The following UQCC1 variants were observed in gnomAD, a reference collection of about 807,000 sequenced individuals.
The protein encoded by UQCC1 is ubiquinol-cytochrome c reductase complex assembly factor 1.
A neutral mutation model predicts 48.0 loss-of-function variants in UQCC1; 38 were observed. That is an observed-to-expected ratio of 0.79 (90% CI 0.61 to 1.04). The LOEUF is 1.04. Among genes scored for constraint, UQCC1 ranks in the 50% least tolerant of loss-of-function variants. The pLI is 0.00. For missense variants in UQCC1, 368 were observed against 381.8 expected (o/e 0.96, Z 0.30); for synonymous variants, 111 against 129.2 (o/e 0.86, Z 0.95).
chr20:35,387,528 T>TC (rs1375692711), intron 2 of UQCC1, among the ~76,000 whole-genome samples: 11 of 151,786 alleles, frequency 7.2e-5, no homozygotes, highest in Non-Finnish European at 1.3e-4. Flanking sequence ...TTTTTTTTTT[T>TC]CAAAGAGGAC....
chr20:35,339,231 T>C (rs910237924), intron 7 of UQCC1, among the ~76,000 whole-genome samples: 2 of 152,044 alleles, frequency 1.3e-5, no homozygotes, highest in African/African-American at 2.4e-5. Flanking sequence ...ATCCAACACA[T>C]ATTTGAGTAG....
chr20:35,304,078 A>G lies in UQCC1; in HGVS notation c.766-9T>C. The G allele has an allele frequency of 6.2e-7, 1 of 1,613,822 alleles. No individual in the cohort carries two copies. The highest frequency in any genetic ancestry group is 8.5e-7 in the Non-Finnish European group (1 of 1,179,836). On this transcript the variant is annotated splice_polypyrimidine_tract_variant and intron_variant, in intron 9 of 9. Coordinates refer to ENST00000374385, the MANE Select transcript of UQCC1 (RefSeq NM_018244.5). ...GAGTCCAGGTACTGTATCTGCAACC[A>G]GGGGAGGGGGAAGGAGGAAGCGACA... is the stretch of plus-strand genomic sequence containing the variant.
intron 7 of UQCC1, among the ~76,000 whole-genome samples, chr20:35,316,998 T>C (rs2061068232): frequency 6.7e-6 from 1 of 149,850 alleles, no homozygotes; most frequent in Admixed American, 6.7e-5. Flanking sequence ...TGCAGCGGCA[T>C]GATCTCAGCT....
chr20:35,376,193 A>G (rs2061797414), intron 4 of UQCC1, among the ~76,000 whole-genome samples: 1 of 151,380 alleles, frequency 6.6e-6, no homozygotes, highest in Non-Finnish European at 1.5e-5. Flanking sequence ...CTGTAATCCC[A>G]GTTACTTGGG....
At chr20:35,377,645 A>G (rs2061817882) in intron 4 of UQCC1, among the ~76,000 whole-genome samples, 1 of 152,216 alleles carries the variant, frequency 6.6e-6, no homozygotes, top group Non-Finnish European at 1.5e-5. Flanking sequence ...CAAGTATGTA[A>G]CTTTAACTAA....
intron 6 of UQCC1, among the ~76,000 whole-genome samples, chr20:35,353,747 G>T (rs1157436499): frequency 6.6e-6 from 1 of 151,812 alleles, no homozygotes; most frequent in Non-Finnish European, 1.5e-5. Context: ...AGTTGTGATT[G>T]TACCACTAAA....
At chr20:35,363,044 A>AAC (rs1338107338) in intron 6 of UQCC1, among the ~76,000 whole-genome samples, 2 of 151,530 alleles carry the variant, frequency 1.3e-5, no homozygotes, top group Admixed American at 6.6e-5. Flanking sequence ...AAAAAAAAAA[A>AAC]AAAAGAAAGA....
Position 35,382,009 on chromosome 20 carries a change from T to A in UQCC1, c.242A>T (p.Asp81Val). 3 of 1,599,432 alleles carry A rather than the reference T, an allele frequency of 1.9e-6. No homozygotes were observed. Among genetic ancestry groups the A allele is most frequent in the Non-Finnish European group, 2.6e-6 (3 of 1,175,678 alleles). ...HTTRKLSTTK[D>V]SPQPVEEKVG... Reference sequence around the variant, plus strand: ...CTTCTCCTCAACAGGCTGTGGGGAATCTTTGGTAGTAGAAAGCTGATTAAC... The same window carrying A: ...CTTCTCCTCAACAGGCTGTGGGGAAACTTTGGTAGTAGAAAGCTGATTAAC... Residue 81 changes from aspartate to valine, a missense_variant, in exon 4 of 10, where the codon GAT becomes GTT. By Grantham distance (152) the Asp-to-Val change is radical. Coordinates refer to ENST00000374385, the MANE Select transcript of UQCC1 (RefSeq NM_018244.5).
chr20:35,340,131 C>T (rs1050342918), intron 7 of UQCC1, among the ~76,000 whole-genome samples: 3 of 152,078 alleles, frequency 2.0e-5, no homozygotes, highest in Non-Finnish European at 2.9e-5. Context: ...ACGCAGAGTC[C>T]GATGTGCCAC....
In UQCC1 at chr20:35,376,947, TCAAAACAAAA is replaced by T. The variant is rs1178698253; in HGVS notation, c.334-2701_334-2692del. Among the ~76,000 whole-genome samples the T allele has an allele frequency of 2.6e-4, 35 of 134,514 alleles. No homozygotes were observed. In the Admixed American group the frequency reaches 2.6e-3, roughly 10 times the overall value. The allele number at this position is 134,514 out of a possible 152,430, so 88.2% of individuals were successfully genotyped here. ...CCTGGCGACAGAGTGAGACTCCATC[TCAAAACAAAA>T]CAAAACAAAACAAAAAAAAAAAGAA... is the stretch of plus-strand genomic sequence containing the variant. On this transcript the variant is annotated intron_variant, in intron 4 of 9. Coordinates refer to ENST00000374385, the MANE Select transcript of UQCC1 (RefSeq NM_018244.5).
intron 6 of UQCC1, among the ~76,000 whole-genome samples, chr20:35,363,497 A>G (rs2061631434): frequency 6.6e-6 from 1 of 152,180 alleles, no homozygotes; most frequent in South Asian, 2.1e-4. Flanking sequence ...TCCCAGTCCT[A>G]AATCCTAAAC....
At chr20:35,336,053 G>C (rs1038185582) in intron 7 of UQCC1, among the ~76,000 whole-genome samples, 1 of 152,166 alleles carries the variant, frequency 6.6e-6, no homozygotes, top group African/African-American at 2.4e-5. Context: ...TGGACTGAAA[G>C]GTTCAATGCT....
intron 5 of UQCC1, among the ~76,000 whole-genome samples, chr20:35,367,691 T>C (rs1290018235): frequency 1.3e-5 from 2 of 151,266 alleles, no homozygotes; most frequent in African/African-American, 2.4e-5. Flanking sequence ...GCCAGGGAGG[T>C]AGAGGTTACA....
chr20:35,381,881 C>G, intron 4 of UQCC1, 37 bp downstream of exon 4: 1 of 1,277,732 alleles, frequency 7.8e-7, no homozygotes, highest in Non-Finnish European at 1.1e-6. Context: ...AGCACAATGC[C>G]CAAAAGGAAA....
At chr20:35,388,624 A>G (rs1372817669) in intron 2 of UQCC1, among the ~76,000 whole-genome samples, 3 of 152,166 alleles carry the variant, frequency 2.0e-5, no homozygotes, top group Non-Finnish European at 4.4e-5. Context: ...TCAAAGAAGT[A>G]AAGTTCATTA....
At chr20:35,382,381 T>A (rs2061882180) in intron 3 of UQCC1, among the ~76,000 whole-genome samples, 1 of 152,142 alleles carries the variant, frequency 6.6e-6, no homozygotes, top group South Asian at 2.1e-4. Context: ...CCTCAAGCAA[T>A]CTTCCTGCTT....
chr20:35,337,136 G>A (rs1467129540), intron 7 of UQCC1, among the ~76,000 whole-genome samples: 1 of 151,892 alleles, frequency 6.6e-6, no homozygotes, highest in African/African-American at 2.4e-5. Flanking sequence ...AAGACAGACT[G>A]TTGGGTCCCA....
intron 7 of UQCC1, among the ~76,000 whole-genome samples, chr20:35,330,680 C>T (rs753819297): frequency 3.3e-5 from 5 of 152,192 alleles, no homozygotes; most frequent in South Asian, 2.1e-4. Flanking sequence ...CTATTAGGGA[C>T]GGAGCCAGTT....
At chr20:35,402,240 C>T (rs1002307003) in intron 1 of UQCC1, among the ~76,000 whole-genome samples, 7 of 151,780 alleles carry the variant, frequency 4.6e-5, no homozygotes, top group African/African-American at 1.5e-4. Flanking sequence ...GTCAGGAGTT[C>T]GAGACCAGCC....
Sources: gnomAD v4.1 joint callset for allele counts (sites outside exome capture counted in the v4.1 genomes callset) on GRCh38, gnomAD v4.1.1 for gene constraint, MANE v1.5 for transcripts, NCBI Gene and HGNC (gene_info 2026-07-23, HGNC 2026-07-21) for gene names.